Variants in BEND6 observed in about 807,000 individuals in gnomAD.
BEND6 encodes the protein BEN domain-containing protein 6.
A neutral mutation model predicts 31.8 loss-of-function variants in BEND6; 24 were observed. The observed-to-expected ratio is 0.75, with a 90% CI of 0.55 to 1.06. The LOEUF is 1.06. Among genes scored for constraint, BEND6 ranks in the 50% least tolerant of loss-of-function variants. BEND6 has a pLI of 0.00. For synonymous variants in BEND6, 109 were observed against 114.6 expected, an observed-to-expected ratio of 0.95 and a Z score of 0.31; for missense variants, 294 against 327.4, an observed-to-expected ratio of 0.90 and a Z score of 0.79.
chr6:56,967,289 G>A (rs1373908608), intron 1 of BEND6, among the ~76,000 whole-genome samples: 3 of 152,162 alleles, frequency 2.0e-5, no homozygotes, highest in Non-Finnish European at 2.9e-5. Context: ...GGGAAACCAT[G>A]AGAGATCATG....
intron 3 of BEND6, among the ~76,000 whole-genome samples, chr6:56,999,347 A>G (rs568144330): frequency 1.6e-3 from 250 of 152,378 alleles, no homozygotes; most frequent in Non-Finnish European, 2.9e-3. Flanking sequence ...CTGGTTCAGC[A>G]GCCTGAGCTG....
At chr6:56,990,901 C>T (rs1826473602) in intron 2 of BEND6, among the ~76,000 whole-genome samples, 1 of 152,176 alleles carries the variant, frequency 6.6e-6, no homozygotes. Context: ...TAACAAATGA[C>T]AGTATCTCTG....
intron 3 of BEND6, chr6:57,009,044 T>C (rs2127884016): frequency 6.6e-6 from 1 of 152,314 alleles, no homozygotes. Context: ...AAACACTGCA[T>C]GTTCTCATTT....
intron 2 of BEND6, among the ~76,000 whole-genome samples, chr6:56,983,325 A>G (rs1177365858): frequency 1.3e-5 from 2 of 152,206 alleles, no homozygotes; most frequent in Non-Finnish European, 2.9e-5. Flanking sequence ...TAAAATCTAC[A>G]CATGTTGCAT....
At chr6:57,004,766 A>G in intron 3 of BEND6, 2 of 1,037,256 alleles carry the variant, frequency 1.9e-6, no homozygotes, top group Admixed American at 3.4e-5. Context: ...CATCACCTGA[A>G]TGAGCAGGTG....
intron 1 of BEND6, among the ~76,000 whole-genome samples, chr6:56,979,622 T>C (rs1262453860): frequency 1.3e-5 from 2 of 152,324 alleles, no homozygotes; most frequent in African/African-American, 4.8e-5. Flanking sequence ...AGCAAGATGG[T>C]TTTTGTTAAT....
At chr6:56,982,932 A>G (rs1419177589) in intron 2 of BEND6, among the ~76,000 whole-genome samples, 2 of 152,144 alleles carry the variant, frequency 1.3e-5, no homozygotes, top group Admixed American at 1.3e-4. Context: ...TATTTCCATT[A>G]TTATACAGAG....
chr6:56,963,555 C>T (rs1377061797), intron 1 of BEND6, among the ~76,000 whole-genome samples: 1 of 152,100 alleles, frequency 6.6e-6, no homozygotes, highest in African/African-American at 2.4e-5. Context: ...CCATGGGAGA[C>T]CACCTGGCTG....
intron 1 of BEND6, chr6:56,976,034 T>C: frequency 2.1e-6 from 1 of 470,572 alleles, no homozygotes; most frequent in Middle Eastern, 4.0e-4. Context: ...ATTCAAGCAC[T>C]AAGAACAGGA....
Position 57,017,369 on chromosome 6 carries a change from A to G in BEND6, c.682A>G (p.Met228Val). 7.3e-7 allele frequency: 1 copy of G among 1,367,186 alleles called. No individual in the cohort carries two copies. Among genetic ancestry groups the G allele is most frequent in the Non-Finnish European group, 9.5e-7 (1 of 1,052,612 alleles). 84.7% of individuals were successfully genotyped at this position (1,367,186 alleles called of 1,614,324 possible). ...AAGGGACAAAGCTGTAAAACCAGCTATGAATCAGAATGAAGTCCAAGAAAT... is the reference window on the plus strand; with the variant it reads ...AAGGGACAAAGCTGTAAAACCAGCTGTGAATCAGAATGAAGTCCAAGAAAT... The part of the protein sequence containing the change: ...TSRDKAVKPA[M>V]NQNEVQEIIG... Residue 228 changes from methionine (M) to valine (V), a missense_variant, in exon 5 of 7, where the codon ATG (methionine) becomes GTG (valine). Met to Val is a conservative substitution (Grantham distance 21). Coordinates refer to ENST00000370746, the MANE Select transcript of BEND6 (RefSeq NM_152731.3).
In BEND6 at chr6:57,011,508, A is replaced by C. The variant is rs181118568; in HGVS notation, c.299-3625A>C. ...CGCTTTGGGAGGATCACTTGAGCCC[A>C]GGAGTTCAAGACCAGCCTGGGCAAC... On this transcript the variant is annotated intron_variant, in intron 3 of 6. Transcript: ENST00000370746. 4.6e-3 allele frequency among the ~76,000 whole-genome samples: 699 copies of C among 152,216 alleles called. 6 individuals are homozygous for C. Among genetic ancestry groups the C allele is most frequent in the African/African-American group, 0.016 (671 of 41,526 alleles).
At chr6:56,986,672 A>G (rs976535468) in intron 2 of BEND6, among the ~76,000 whole-genome samples, 3 of 152,196 alleles carry the variant, frequency 2.0e-5, no homozygotes, top group Admixed American at 6.5e-5. Context: ...TTAAGCCTCA[A>G]TGAATTCTAA....
chr6:56,996,539 A>C (rs2127868063), intron 3 of BEND6, among the ~76,000 whole-genome samples: 1 of 152,180 alleles, frequency 6.6e-6, no homozygotes, highest in African/African-American at 2.4e-5. Flanking sequence ...GGCCTCTCTA[A>C]CTCATTGTCT....
chr6:57,005,637 C>A (rs1039138535), intron 3 of BEND6, among the ~76,000 whole-genome samples: 4 of 151,200 alleles, frequency 2.6e-5, no homozygotes, highest in Admixed American at 2.6e-4. Flanking sequence ...CCGAGATCGC[C>A]CCACTGCACT....
intron 6 of BEND6, among the ~76,000 whole-genome samples, chr6:57,021,249 C>T (rs1437358655): frequency 6.6e-6 from 1 of 152,122 alleles, no homozygotes; most frequent in Admixed American, 6.5e-5. Context: ...TCAGGTAAGA[C>T]CTAATTTGGA....
chr6:56,997,495 G>A (rs1826764633), intron 3 of BEND6, among the ~76,000 whole-genome samples: 2 of 152,140 alleles, frequency 1.3e-5, no homozygotes, highest in Non-Finnish European at 2.9e-5. Context: ...TAGACTTCTG[G>A]CAACAGAAGT....
intron 6 of BEND6, among the ~76,000 whole-genome samples, chr6:57,020,546 G>A (rs1020754692): frequency 2.0e-5 from 3 of 151,888 alleles, no homozygotes; most frequent in Admixed American, 1.3e-4. Flanking sequence ...TCAGCCTCCC[G>A]AGCAGCTGGG....
rs565121915 is a variant in BEND6 at position 57,021,379 on chromosome 6, T to C, written c.*9+2822T>C. Reference sequence around the variant, plus strand: ...CTGCCCTGCCACCAAAAATATTCTTTGAAAAACTTACTTTTCTAGCATGGT... The same window carrying C: ...CTGCCCTGCCACCAAAAATATTCTTCGAAAAACTTACTTTTCTAGCATGGT... On this transcript the variant is annotated intron_variant, in intron 6 of 6. Transcript: ENST00000370746. Among the ~76,000 whole-genome samples, 5 of 152,294 alleles carry C rather than the reference T, an allele frequency of 3.3e-5. No homozygotes were observed. The South Asian group carries it at 1.0e-3, about 32-fold the overall frequency.
chr6:56,955,432 G>C lies in BEND6; in HGVS notation c.-129G>C, dbSNP rs1157597928. ...CTCCCACCTCCCTGCGCCCCGCCCC[G>C]AGGTTGGGGCTTTGAAGAATGCAGC... On this transcript the variant is annotated 5_prime_UTR_variant, in exon 1 of 7. Coordinates refer to ENST00000370746, the MANE Select transcript of BEND6 (RefSeq NM_152731.3). 6.6e-6 allele frequency: 1 copy of C among 152,304 alleles called. No individual in the cohort carries two copies. Among genetic ancestry groups the C allele is most frequent in the Admixed American group, 6.5e-5 (1 of 15,290 alleles). The allele number at this position is 152,304 out of a possible 1,614,324, so 9.4% of individuals were successfully genotyped here.
Sources: allele counts gnomAD v4.1 joint callset (sites outside exome capture counted in the v4.1 genomes callset), GRCh38; gene constraint gnomAD v4.1.1; transcripts MANE v1.5; gene names NCBI Gene and HGNC (gene_info 2026-07-23, HGNC 2026-07-21).